Variants in PPP1R14D observed in about 807,000 individuals in gnomAD.
The protein encoded by PPP1R14D is protein phosphatase 1 regulatory subunit 14D.
PPP1R14D carries 14 observed loss-of-function variants against 17.1 expected under a neutral mutation model. That is an observed-to-expected ratio of 0.82 (90% confidence interval 0.54 to 1.28). The LOEUF (loss-of-function observed/expected upper bound fraction) is 1.28. PPP1R14D is among the 50% of genes most tolerant of loss of function. PPP1R14D has a pLI of 0.00. For missense variants in PPP1R14D, 173 were observed against 179.2 expected (o/e 0.97, Z 0.20); for synonymous variants, 67 against 66.1 (o/e 1.01, Z -0.06).
intron 1 of PPP1R14D, among the ~76,000 whole-genome samples, chr15:40,817,732 A>G (rs1397649406): frequency 6.7e-6 from 1 of 150,046 alleles, no homozygotes; most frequent in Non-Finnish European, 1.5e-5. Context: ...CTCCCACCTC[A>G]GCCTCCCAAG....
At chr15:40,828,323 G>T in intron 1 of PPP1R14D, 64 bp downstream of exon 1, 1 of 1,510,144 alleles carries the variant, frequency 6.6e-7, no homozygotes, top group Non-Finnish European at 8.8e-7. Flanking sequence ...CTCCTGTGAA[G>T]GTCTCAGTGC....
intron 1 of PPP1R14D, among the ~76,000 whole-genome samples, chr15:40,827,603 T>C (rs1381589338): frequency 6.6e-6 from 1 of 152,018 alleles, no homozygotes; most frequent in African/African-American, 2.4e-5. Context: ...CAGCTACACA[T>C]GGCTGATGGC....
chr15:40,822,964 A>AT, intron 1 of PPP1R14D, among the ~76,000 whole-genome samples: 1 of 99,562 alleles, frequency 1.0e-5, no homozygotes, highest in African/African-American at 4.5e-5. Context: ...ACATCCGGCT[A>AT]ATTTTTTTTT....
intron 1 of PPP1R14D, among the ~76,000 whole-genome samples, chr15:40,824,311 C>CT (rs796352908): frequency 5.3e-5 from 8 of 151,940 alleles, no homozygotes; most frequent in African/African-American, 1.9e-4. Flanking sequence ...ATTTTTTTTC[C>CT]TTTTTTTATA....
In PPP1R14D at chr15:40,815,753, G is replaced by T. The variant is rs923302126; in HGVS notation, c.381C>A (p.Ile127=). Residue 127 remains isoleucine, a synonymous_variant, in exon 4 of 4, where the codon ATC becomes ATA. Transcript: ENST00000299174. ...TCTTGAGTTGACTGAGCAGCTCAGAGATAAAAGCCTGAGGGAGAAACAGGA... is the reference window on the plus strand; with the variant it reads ...TCTTGAGTTGACTGAGCAGCTCAGATATAAAAGCCTGAGGGAGAAACAGGA... ...GNCPRPTEAF[I]SELLSQLKKL... is the part of the protein sequence containing the mutation. The T allele has an allele frequency of 3.0e-5, 48 of 1,610,338 alleles. 1 individual carries two copies. The highest frequency in any genetic ancestry group is 4.0e-5 in the Non-Finnish European group (47 of 1,177,846).
intron 1 of PPP1R14D, among the ~76,000 whole-genome samples, chr15:40,817,069 A>G (rs1890683324): frequency 6.6e-6 from 1 of 150,772 alleles, no homozygotes; most frequent in Admixed American, 6.6e-5. Flanking sequence ...TCTGTCTTAA[A>G]ACAAAAGCTG....
chr15:40,818,843 A>T (rs2141985781), intron 1 of PPP1R14D, among the ~76,000 whole-genome samples: 1 of 151,374 alleles, frequency 6.6e-6, no homozygotes, highest in South Asian at 2.1e-4. Context: ...GCCCAATTTA[A>T]ACCATGGACT....
intron 1 of PPP1R14D, among the ~76,000 whole-genome samples, chr15:40,816,800 A>G (rs949074584): frequency 2.0e-5 from 3 of 152,126 alleles, no homozygotes; most frequent in South Asian, 4.1e-4. Flanking sequence ...GACCAGGCAC[A>G]GTGGCTCACT....
chr15:40,826,878 G>C (rs904303495), intron 1 of PPP1R14D, among the ~76,000 whole-genome samples: 1 of 152,224 alleles, frequency 6.6e-6, no homozygotes, highest in Non-Finnish European at 1.5e-5. Flanking sequence ...TCAGTGCCTG[G>C]CATTGAGCCT....
chr15:40,822,746 C>A (rs1890802283), intron 1 of PPP1R14D, among the ~76,000 whole-genome samples: 1 of 152,104 alleles, frequency 6.6e-6, no homozygotes, highest in Non-Finnish European at 1.5e-5. Context: ...AGCCACCATG[C>A]CTGGCCTCAA....
intron 1 of PPP1R14D, among the ~76,000 whole-genome samples, chr15:40,817,862 C>A (rs1346302071): frequency 6.6e-6 from 1 of 152,102 alleles, no homozygotes; most frequent in Non-Finnish European, 1.5e-5. Flanking sequence ...ATCCTCCCAC[C>A]TCTGCCTCCC....
At chr15:40,825,655 G>A (rs78143078) in intron 1 of PPP1R14D, among the ~76,000 whole-genome samples, 8,154 of 152,278 alleles carry the variant, frequency 0.054, 477 homozygotes, top group African/African-American at 0.15. Context: ...GGGGCTCTCC[G>A]TAAACTGGAA....
chr15:40,822,604 C>G (rs1182531850), intron 1 of PPP1R14D, among the ~76,000 whole-genome samples: 1 of 151,860 alleles, frequency 6.6e-6, no homozygotes, highest in Non-Finnish European at 1.5e-5. Context: ...CGGGTGCCTA[C>G]CACGTCCTGC....
Position 40,815,634 on chromosome 15 carries a change from A to G in PPP1R14D, c.*62T>C. On this transcript the variant is annotated 3_prime_UTR_variant, in exon 4 of 4. Transcript: ENST00000299174. Reference sequence around the variant, plus strand: ...CCAAGGAGCTATTTCCCTCTTAGCCAGGATCTGGAGTTTCAGGGCAGGCCT... The same window carrying G: ...CCAAGGAGCTATTTCCCTCTTAGCCGGGATCTGGAGTTTCAGGGCAGGCCT... 6.3e-7 allele frequency: 1 copy of G among 1,580,714 alleles called. No homozygotes were observed. The highest frequency in any genetic ancestry group is 8.6e-7 in the Non-Finnish European group (1 of 1,162,138).
At chr15:40,825,207 C>T (rs1449616970) in intron 1 of PPP1R14D, among the ~76,000 whole-genome samples, 3 of 151,572 alleles carry the variant, frequency 2.0e-5, no homozygotes, top group African/African-American at 7.3e-5. Flanking sequence ...ATCACTTGAA[C>T]CTGGGAGGCG....
At chr15:40,819,332 G>C (rs559767079) in intron 1 of PPP1R14D, among the ~76,000 whole-genome samples, 10 of 152,150 alleles carry the variant, frequency 6.6e-5, no homozygotes, top group Non-Finnish European at 1.3e-4. Context: ...TGGATCACTT[G>C]AGGTCAGGAG....
intron 1 of PPP1R14D, among the ~76,000 whole-genome samples, chr15:40,818,344 T>C (rs966793413): frequency 6.7e-6 from 1 of 149,958 alleles, no homozygotes; most frequent in African/African-American, 2.5e-5. Context: ...CTATAGCAGC[T>C]TTATTCATAA....
intron 1 of PPP1R14D, among the ~76,000 whole-genome samples, chr15:40,821,248 T>C (rs1292542037): frequency 6.6e-6 from 1 of 151,008 alleles, no homozygotes; most frequent in Admixed American, 6.6e-5. Flanking sequence ...GCAGGAGAAT[T>C]GCTTGAACCA....
Position 40,815,998 on chromosome 15 carries a change from G to C in PPP1R14D, c.340-4C>G, listed in dbSNP as rs776032852. 1.3e-5 allele frequency: 21 copies of C among 1,613,950 alleles called. No homozygotes were observed. The East Asian group carries it at 4.7e-4, about 36-fold the overall frequency. ...GGGGGCAGTTCCCAAGAATGGCCTA[G>C]ATAGGAGAGAACACAGACAGGGCCC... On this transcript the variant is annotated splice_region_variant and splice_polypyrimidine_tract_variant and intron_variant, in intron 2 of 3. Coordinates refer to ENST00000299174, the MANE Select transcript of PPP1R14D (RefSeq NM_017726.8).
Sources: gnomAD v4.1 joint callset for allele counts (sites outside exome capture counted in the v4.1 genomes callset) on GRCh38, gnomAD v4.1.1 for gene constraint, MANE v1.5 for transcripts, NCBI Gene and HGNC (gene_info 2026-07-23, HGNC 2026-07-21) for gene names.